The following CHAF1B variants were observed in gnomAD, a reference collection of about 807,000 sequenced individuals.
The protein encoded by CHAF1B is chromatin assembly factor 1 subunit B.
CHAF1B carries 10 observed loss-of-function variants against 60.7 expected under a neutral mutation model. The ratio of observed to expected loss-of-function variants is 0.16; its 90% CI spans 0.10 to 0.28. CHAF1B has a LOEUF of 0.28. Ranked by LOEUF, CHAF1B falls within the 10% of genes least tolerant of loss-of-function variation. The pLI is 1.00. For missense variants in CHAF1B, 558 were observed against 708.4 expected (o/e 0.79, Z 2.41); for synonymous variants, 261 against 266.1 (o/e 0.98, Z 0.19).
chr21:36,394,355 G>A (rs140797599), intron 4 of CHAF1B, among the ~76,000 whole-genome samples, 192 bp from the exon 5 acceptor site: 16 of 152,064 alleles, frequency 1.1e-4, no homozygotes, highest in Admixed American at 3.9e-4. Context: ...GATTACAGGC[G>A]TGAGCCACAG....
At chr21:36,387,859 C>G (rs979020924) in intron 3 of CHAF1B, 129 bp downstream of exon 3, 2 of 1,193,800 alleles carry the variant, frequency 1.7e-6, no homozygotes, top group African/African-American at 3.1e-5. Flanking sequence ...ACTCTTGTTC[C>G]CCAGGCTGGA....
intron 2 of CHAF1B, among the ~76,000 whole-genome samples, chr21:36,386,856 G>A (rs2086039239): frequency 6.6e-6 from 1 of 152,018 alleles, no homozygotes; most frequent in Non-Finnish European, 1.5e-5. Context: ...TGGGACTACA[G>A]CCGCTCATCA....
intron 12 of CHAF1B, 23 bp from the exon 13 acceptor site, chr21:36,415,272 T>G: frequency 6.9e-7 from 1 of 1,453,162 alleles, no homozygotes; most frequent in Non-Finnish European, 9.6e-7. Flanking sequence ...ATCACCCCTC[T>G]ACTTTTTTTT....
chr21:36,402,443 T>C (rs1229242219), intron 7 of CHAF1B, among the ~76,000 whole-genome samples: 1 of 152,216 alleles, frequency 6.6e-6, no homozygotes, highest in Non-Finnish European at 1.5e-5. Context: ...GTTTGTGTTC[T>C]TAAGAGTTTT....
chr21:36,406,214 A>G (rs761959074), intron 8 of CHAF1B, among the ~76,000 whole-genome samples: 4 of 152,240 alleles, frequency 2.6e-5, no homozygotes, highest in Non-Finnish European at 2.9e-5. Context: ...TCTCAAGAGA[A>G]TTAGACACTG....
chr21:36,402,838 G>C lies in CHAF1B; in HGVS notation c.744G>C (p.Leu248Phe). ...TGAGTTTCACTCCCGACGGATCTTT[G>C]CTTCTCACGCCAGGTGTGTTTCGTA... ...RRLSFTPDGS[L>F]LLTPAGCVES... The change falls in exon 8 of 14, where the codon TTG (leucine) becomes TTC (phenylalanine). Residue 248 changes from leucine (L) to phenylalanine (F), a missense_variant. Physicochemically the swap from Leu to Phe is conservative, Grantham distance 22. Coordinates refer to ENST00000314103, the MANE Select transcript of CHAF1B (RefSeq NM_005441.3). 1.2e-6 allele frequency: 2 copies of C among 1,613,718 alleles called. No individual in the cohort carries two copies. The highest frequency in any genetic ancestry group is 1.7e-6 in the Non-Finnish European group (2 of 1,179,762).
chr21:36,409,336 C>T (rs2086260022), intron 9 of CHAF1B, 38 bp from the exon 10 acceptor site: 3 of 1,535,090 alleles, frequency 2.0e-6, no homozygotes, highest in Non-Finnish European at 2.7e-6. Flanking sequence ...TTTGCTTAGT[C>T]ACAGTGCCTT....
intron 3 of CHAF1B, among the ~76,000 whole-genome samples, 181 bp from the exon 4 acceptor site, chr21:36,391,370 A>G (rs2086084896): frequency 6.7e-6 from 1 of 150,018 alleles, no homozygotes; most frequent in Non-Finnish European, 1.5e-5. Flanking sequence ...TAGTAGAGAC[A>G]GTTAGCCAGG....
intron 6 of CHAF1B, chr21:36,398,262 C>T (rs1262837738): frequency 6.6e-6 from 1 of 152,096 alleles, no homozygotes; most frequent in East Asian, 1.9e-4. Context: ...CCATGTTGCC[C>T]AGGCTGGTCG....
intron 7 of CHAF1B, among the ~76,000 whole-genome samples, chr21:36,401,383 T>G (rs2086187682): frequency 1.5e-5 from 2 of 133,588 alleles, no homozygotes; most frequent in Non-Finnish European, 3.1e-5. Context: ...TAATATATAT[T>G]TTTATATTAT....
In CHAF1B at chr21:36,387,715, G is replaced by A; in HGVS notation, c.244G>A (p.Ala82Thr). The A allele has an allele frequency of 6.2e-7, 1 of 1,614,110 alleles. No individual in the cohort carries two copies. Among genetic ancestry groups the A allele is most frequent in the Non-Finnish European group, 8.5e-7 (1 of 1,180,016 alleles). ...TTTTTCTCCAACTGGGGAAATTTTAGCATCGGGAGGAGATGGTGAGTATTG... is the reference window on the plus strand; with the variant it reads ...TTTTTCTCCAACTGGGGAAATTTTAACATCGGGAGGAGATGGTGAGTATTG... ...VRFSPTGEIL[A>T]SGGDDAVILL... Residue 82 changes from alanine (A) to threonine (T), a missense_variant, in exon 3 of 14, where the codon GCA (alanine) becomes ACA (threonine). By Grantham distance (58) the Ala-to-Thr change is moderately conservative (BLOSUM62 0). Transcript: ENST00000314103.
chr21:36,392,884 G>A lies in CHAF1B; in HGVS notation c.377+1216G>A, dbSNP rs1038116341. Among the ~76,000 whole-genome samples, 5 of 152,316 alleles carry A rather than the reference G, an allele frequency of 3.3e-5. No homozygotes were observed. The East Asian group carries it at 5.8e-4, about 18-fold the overall frequency. On this transcript the variant is annotated intron_variant, in intron 4 of 13. Transcript: ENST00000314103. ...GCGGCTGGGAGGTGGAGGTTGTAGCGAGCGGAGACCACGCCAGTGCCCTCC... is the reference window on the plus strand; with the variant it reads ...GCGGCTGGGAGGTGGAGGTTGTAGCAAGCGGAGACCACGCCAGTGCCCTCC...
intron 7 of CHAF1B, among the ~76,000 whole-genome samples, chr21:36,399,948 G>C (rs1022609303): frequency 7.9e-5 from 12 of 152,228 alleles, no homozygotes; most frequent in African/African-American, 2.9e-4. Flanking sequence ...GGAGACTGAG[G>C]TGGGCGGATC....
Position 36,416,376 on chromosome 21 carries a change from G to C in CHAF1B, c.*10G>C, listed in dbSNP as rs758449845. 1 of 1,611,096 alleles carries C rather than the reference G, an allele frequency of 6.2e-7. No individual in the cohort carries two copies. The highest frequency in any genetic ancestry group is 8.5e-7 in the Non-Finnish European group (1 of 1,178,388). ...AAGTCTGGACCCTTGATGGGACCTC[G>C]GCTTCTGCTCGAAGCCTACCAGGCT... is the stretch of plus-strand genomic sequence containing the variant. On this transcript the variant is annotated 3_prime_UTR_variant, in exon 14 of 14. Transcript: ENST00000314103.
At position 36,416,397 on chromosome 21, in the gene CHAF1B, A is replaced by G; in HGVS notation, c.*31A>G. On this transcript the variant is annotated 3_prime_UTR_variant, in exon 14 of 14. Transcript: ENST00000314103. ...CCTCGGCTTCTGCTCGAAGCCTACC[A>G]GGCTCCCGGTGTGTGCAGGGAGACG... The G allele has an allele frequency of 6.3e-7, 1 of 1,587,318 alleles. No homozygotes were observed. The highest frequency in any genetic ancestry group is 8.6e-7 in the Non-Finnish European group (1 of 1,159,906).
chr21:36,416,438 C>T lies in CHAF1B; in HGVS notation c.*72C>T. On this transcript the variant is annotated 3_prime_UTR_variant, in exon 14 of 14. Transcript: ENST00000314103. The stretch of plus-strand genomic sequence containing the variant: ...CAGGGAGACGGTAAAGCTGGAGGTG[C>T]CTGAGACCAGGGCTTCCATGGAGCG... 7.9e-7 allele frequency: 1 copy of T among 1,265,300 alleles called. No individual in the cohort carries two copies. The highest frequency in any genetic ancestry group is 1.1e-6 in the Non-Finnish European group (1 of 895,960). The allele number at this position is 1,265,300 out of a possible 1,614,324, so 78.4% of individuals were successfully genotyped here.
At chr21:36,414,653 C>G (rs1476516283) in intron 12 of CHAF1B, among the ~76,000 whole-genome samples, 1 of 151,810 alleles carries the variant, frequency 6.6e-6, no homozygotes, top group African/African-American at 2.4e-5. Context: ...GCTCTGTTGC[C>G]CGGGCTGGAG....
chr21:36,400,471 CAAAA>C (rs2086178866), intron 7 of CHAF1B, among the ~76,000 whole-genome samples: 1 of 152,022 alleles, frequency 6.6e-6, no homozygotes, highest in African/African-American at 2.4e-5. Flanking sequence ...AACTCAGTCT[CAAAA>C]TAAATAAATA....
intron 12 of CHAF1B, among the ~76,000 whole-genome samples, chr21:36,414,200 T>G (rs2086300445): frequency 1.3e-5 from 2 of 152,188 alleles, no homozygotes; most frequent in Admixed American, 6.5e-5. Flanking sequence ...TCCTGTATAG[T>G]TCCTTCTCCA....
Sources: allele counts gnomAD v4.1 joint callset (sites outside exome capture counted in the v4.1 genomes callset), GRCh38; gene constraint gnomAD v4.1.1; transcripts MANE v1.5; gene names NCBI Gene and HGNC (gene_info 2026-07-23, HGNC 2026-07-21).